SCFD1: variants seen among roughly 807,000 people sequenced by gnomAD.
SCFD1 encodes sec1 family domain containing 1, also known as sec1 family domain-containing protein 1.
A neutral mutation model predicts 103.2 loss-of-function variants in SCFD1; 37 were observed. The ratio of observed to expected loss-of-function variants is 0.36; its 90% CI spans 0.28 to 0.47. The LOEUF is 0.47. Ranked by LOEUF, SCFD1 falls within the 20% of genes least tolerant of loss-of-function variation. SCFD1 has a pLI of 1.00. For missense variants in SCFD1, 639 were observed against 761.2 expected (o/e 0.84, Z 1.89); for synonymous variants, 264 against 245.0 (o/e 1.08, Z -0.73).
chr14:30,706,759 C>A (rs1891496842), intron 18 of SCFD1, among the ~76,000 whole-genome samples: 1 of 152,140 alleles, frequency 6.6e-6, no homozygotes. Flanking sequence ...CTTTTTAGAG[C>A]TAAAACAAAA....
chr14:30,631,627 C>T (rs987642167), intron 3 of SCFD1, among the ~76,000 whole-genome samples: 2 of 152,114 alleles, frequency 1.3e-5, no homozygotes, highest in Admixed American at 1.3e-4. Context: ...GAAGTAATGA[C>T]TGTTAATCAC....
intron 8 of SCFD1, 41 bp from the exon 9 acceptor site, chr14:30,650,524 T>C (rs768866423): frequency 3.5e-5 from 41 of 1,158,568 alleles, no homozygotes; most frequent in Non-Finnish European, 5.0e-5. Flanking sequence ...CATAAAGTTA[T>C]ATGAAACTGT....
intron 18 of SCFD1, among the ~76,000 whole-genome samples, chr14:30,706,982 A>G (rs1891513777): frequency 1.3e-5 from 2 of 152,198 alleles, no homozygotes; most frequent in South Asian, 4.1e-4. Context: ...CATTCCAACA[A>G]GGATTACTTT....
At chr14:30,628,897 C>G (rs1883805498) in intron 2 of SCFD1, among the ~76,000 whole-genome samples, 1 of 152,050 alleles carries the variant, frequency 6.6e-6, no homozygotes, top group Non-Finnish European at 1.5e-5. Context: ...AAATTAAGAA[C>G]AAATCAACAT....
chr14:30,714,351 A>G (rs1358150268), intron 19 of SCFD1, among the ~76,000 whole-genome samples: 1 of 138,702 alleles, frequency 7.2e-6, no homozygotes, highest in Non-Finnish European at 1.5e-5. Context: ...ACAGAGCGAG[A>G]CTCCGTCTCA....
chr14:30,698,944 G>A (rs1479293231), intron 15 of SCFD1, among the ~76,000 whole-genome samples: 3 of 152,164 alleles, frequency 2.0e-5, no homozygotes, highest in Admixed American at 1.3e-4. Context: ...ACTGACCACT[G>A]GTTCATGGGA....
chr14:30,674,821 T>C (rs550394529), intron 13 of SCFD1, among the ~76,000 whole-genome samples, 163 bp from the exon 14 acceptor site: 1 of 152,218 alleles, frequency 6.6e-6, no homozygotes, highest in South Asian at 2.1e-4. Context: ...ATAAATACTG[T>C]AGGTGTTCAA....
At chr14:30,633,097 G>A (rs1354700856) in intron 3 of SCFD1, among the ~76,000 whole-genome samples, 1 of 152,140 alleles carries the variant, frequency 6.6e-6, no homozygotes, top group African/African-American at 2.4e-5. Flanking sequence ...GTATGAAATG[G>A]TGGTTGTAGC....
At chr14:30,646,205 T>G (rs2139078150) in intron 7 of SCFD1, among the ~76,000 whole-genome samples, 1 of 151,400 alleles carries the variant, frequency 6.6e-6, no homozygotes, top group Middle Eastern at 3.4e-3. Flanking sequence ...CTATTTTTAC[T>G]AGAGATGGGG....
chr14:30,730,739 T>TC (rs1344689297), intron 23 of SCFD1, among the ~76,000 whole-genome samples: 3 of 152,354 alleles, frequency 2.0e-5, no homozygotes, highest in African/African-American at 7.2e-5. Flanking sequence ...CTTTGTAGAT[T>TC]CTGGATATTA....
intron 4 of SCFD1, chr14:30,635,060 CACA>C: frequency 2.4e-6 from 1 of 422,098 alleles, no homozygotes; most frequent in Non-Finnish European, 4.7e-6. Context: ...TTCCACAAGT[CACA>C]ACATCTTTGT....
In SCFD1 at chr14:30,636,650, A is replaced by G. The variant is rs138060696; in HGVS notation, c.313-1475A>G. On this transcript the variant is annotated intron_variant, in intron 4 of 24. Coordinates refer to ENST00000458591, the MANE Select transcript of SCFD1 (RefSeq NM_016106.4). The stretch of plus-strand genomic sequence containing the variant: ...CTCTTGCTTGATAGCAAGTTTTGAA[A>G]TTGAGAAATTGTGTCCTCCAACTTT... 2.7e-3 allele frequency among the ~76,000 whole-genome samples: 405 copies of G among 152,180 alleles called. 1 individual carries two copies. Among genetic ancestry groups the G allele is most frequent in the Non-Finnish European group, 4.5e-3 (305 of 67,962 alleles).
chr14:30,726,547 C>T (rs1893057746), intron 23 of SCFD1, among the ~76,000 whole-genome samples: 1 of 150,150 alleles, frequency 6.7e-6, no homozygotes, highest in South Asian at 2.1e-4. Context: ...TGCTTATATA[C>T]CAAAATGTTG....
intron 14 of SCFD1, among the ~76,000 whole-genome samples, chr14:30,675,661 T>C (rs890561273): frequency 1.3e-5 from 2 of 152,196 alleles, no homozygotes; most frequent in East Asian, 1.9e-4. Flanking sequence ...TCTCCACACT[T>C]GGAGCTGAAT....
chr14:30,668,082 C>T (rs1467102358), intron 10 of SCFD1, among the ~76,000 whole-genome samples: 2 of 152,292 alleles, frequency 1.3e-5, no homozygotes, highest in Non-Finnish European at 2.9e-5. Flanking sequence ...AAAGAGCCCG[C>T]ATTGCCAAGT....
At chr14:30,672,027 A>G (rs1888592506) in intron 11 of SCFD1, among the ~76,000 whole-genome samples, 1 of 151,210 alleles carries the variant, frequency 6.6e-6, no homozygotes, top group South Asian at 2.1e-4. Flanking sequence ...AAAAAAAAAA[A>G]AGAAAGAAAA....
At chr14:30,654,444 C>T (rs1210788196) in intron 10 of SCFD1, among the ~76,000 whole-genome samples, 2 of 152,192 alleles carry the variant, frequency 1.3e-5, no homozygotes, top group East Asian at 3.8e-4. Context: ...GAGGCCAAGG[C>T]AGGCGGATCA....
At chr14:30,684,800 TTTC>T (rs1485704306) in intron 14 of SCFD1, among the ~76,000 whole-genome samples, 3 of 110,140 alleles carry the variant, frequency 2.7e-5, no homozygotes, top group Non-Finnish European at 5.0e-5. Context: ...GTTGCAATTG[TTTC>T]TTTTTTTTTT....
intron 7 of SCFD1, among the ~76,000 whole-genome samples, chr14:30,646,578 T>G (rs1885851043): frequency 6.6e-6 from 1 of 152,166 alleles, no homozygotes; most frequent in African/African-American, 2.4e-5. Flanking sequence ...GACTGAAGTT[T>G]TATTTTTTTG....
Sources: allele counts gnomAD v4.1 joint callset (sites outside exome capture counted in the v4.1 genomes callset), GRCh38; gene constraint gnomAD v4.1.1; transcripts MANE v1.5; gene names NCBI Gene and HGNC (gene_info 2026-07-23, HGNC 2026-07-21).